SETD1B: variants seen among roughly 807,000 people sequenced by gnomAD.
SETD1B encodes SET domain containing 1B, histone lysine methyltransferase.
SETD1B carries 7 observed loss-of-function variants against 148.0 expected under a neutral mutation model. The observed-to-expected ratio is 0.05, with a 90% CI of 0.03 to 0.09. The LOEUF is 0.09. SETD1B is among the 10% of genes least tolerant of loss of function. SETD1B has a pLI of 1.00. For synonymous variants in SETD1B, 1,361 were observed against 1,186.5 expected (o/e 1.15, Z -3.02); for missense variants, 2,155 against 2,729.9 (o/e 0.79, Z 4.69).
chr12:121,810,479 A>G lies in SETD1B; in HGVS notation c.1534A>G (p.Thr512Ala), dbSNP rs1421246550. ...CGAGATGCTGCTGAAGGAGCAGCGC[A>G]CCAAGCTGCTCTTCCTGAGGGAGCC... is the stretch of plus-strand genomic sequence containing the variant. ...RIEMLLKEQR[T>A]KLLFLREPDS... is the part of the protein sequence containing the mutation. Residue 512 changes from threonine to alanine, a missense_variant, in exon 6 of 17, where the codon ACC becomes GCC. Thr to Ala is a moderately conservative substitution (Grantham distance 58). Transcript: ENST00000604567. The surrounding 1 kb of genome is among the most constrained non-coding windows in gnomAD (Gnocchi z 7.6). 7.8e-6 allele frequency: 12 copies of G among 1,547,734 alleles called. No individual in the cohort carries two copies. The highest frequency in any genetic ancestry group is 7.0e-6 in the Non-Finnish European group (8 of 1,147,096).
chr12:121,814,635 C>A lies in SETD1B; in HGVS notation c.2420C>A (p.Ala807Asp). Residue 807 changes from alanine to aspartate, a missense_variant, in exon 7 of 17, where the codon GCT (alanine) becomes GAT (aspartate). Ala to Asp is a moderately radical substitution (Grantham distance 126). This residue lies in a region of SETD1B where 289 missense variants were observed against 423.7 expected (regional missense o/e 0.68). Transcript: ENST00000604567. ...GCCGCTGCGGCCGCCGCTGCCTCAG[C>A]TGGGCTCCAGTTTGTCAACCTGCCG... ...FMAAAAAAAS[A>D]GLQFVNLPPY... 1.3e-6 allele frequency: 2 copies of A among 1,546,962 alleles called. No homozygotes were observed. Among genetic ancestry groups the A allele is most frequent in the African/African-American group, 2.7e-5 (2 of 73,040 alleles).
chr12:121,812,532 C>T (rs2137556938), intron 6 of SETD1B, among the ~76,000 whole-genome samples: 1 of 152,038 alleles, frequency 6.6e-6, no homozygotes, highest in Admixed American at 6.5e-5. Context: ...GCTTCTCACC[C>T]CGAGACTGCT....
At position 121,804,921 on chromosome 12, in the gene SETD1B, C is replaced by T. The variant is rs753735049; in HGVS notation, c.174+10C>T. 3.4e-6 allele frequency: 5 copies of T among 1,487,000 alleles called. No homozygotes were observed. The highest frequency in any genetic ancestry group is 3.6e-6 in the Non-Finnish European group (4 of 1,115,260). 92.1% of individuals were successfully genotyped at this position (1,487,000 alleles called of 1,614,324 possible). A position where few individuals can be genotyped will look rare whatever the true frequency, so the allele number is the denominator to read the frequency against. ...GCATTTCAGCCTGGCGGTGAGTAGC[C>T]GGCGCGCCCCCCCAGCCGTGCCCCG... is the stretch of plus-strand genomic sequence containing the variant. On this transcript the variant is annotated intron_variant, in intron 2 of 16. Coordinates refer to ENST00000604567, the MANE Select transcript of SETD1B (RefSeq NM_001353345.2). The surrounding 1 kb of genome is among the most constrained non-coding windows in gnomAD (Gnocchi z 4.6).
Position 121,810,797 on chromosome 12 carries a change from G to C in SETD1B, c.1852G>C (p.Val618Leu), listed in dbSNP as rs769297788. The C allele has an allele frequency of 5.2e-6, 8 of 1,531,724 alleles. No homozygotes were observed. The South Asian group carries it at 8.5e-5, about 16-fold the overall frequency. The allele number at this position is 1,531,724 out of a possible 1,614,324, so 94.9% of individuals were successfully genotyped here. A position where few individuals can be genotyped will look rare whatever the true frequency, so the allele number is the denominator to read the frequency against. ...GACAGCTGAGGTGGCCTTGGACCTG[G>C]TTGGAGACAGAACCCCGACCTCAGA... ...SQTAEVALDL[V>L]GDRTPTSEKM... The change falls in exon 6 of 17, where the codon GTT becomes CTT. Residue 618 changes from valine to leucine, a missense_variant. Val to Leu is a conservative substitution (Grantham distance 32). Around this residue, in one of 11 missense-constraint regions of SETD1B, gnomAD observed 295 missense variants for 303.8 expected, o/e 0.97. Coordinates refer to ENST00000604567, the MANE Select transcript of SETD1B (RefSeq NM_001353345.2). The surrounding 1 kb of genome is among the most constrained non-coding windows in gnomAD (Gnocchi z 7.6).
chr12:121,802,197 C>T (rs1368202286), upstream of SETD1B: 1 of 152,126 alleles, frequency 6.6e-6, no homozygotes, highest in Non-Finnish European at 1.5e-5. Context: ...AGAACCTTAG[C>T]TTTATAAAGC....
the SETD1B span, chr12:121,796,051 T>G: frequency 6.6e-6 from 1 of 151,654 alleles, no homozygotes; most frequent in Non-Finnish European, 1.5e-5. Context: ...GACTCGACTG[T>G]TGTGGTGATG....
At chr12:121,790,680 G>T in the SETD1B span, among the ~76,000 whole-genome samples, 2 of 152,116 alleles carry the variant, frequency 1.3e-5, no homozygotes, top group Admixed American at 1.3e-4. Context: ...CCTCCTTGGG[G>T]TCTGTCAGAC....
In SETD1B at chr12:121,804,716, G is replaced by T; in HGVS notation, c.-14-8G>T. On this transcript the variant is annotated splice_polypyrimidine_tract_variant and splice_region_variant and intron_variant, in intron 1 of 16. Coordinates refer to ENST00000604567, the MANE Select transcript of SETD1B (RefSeq NM_001353345.2). This position sits in a 1 kb window ranked among gnomAD's most constrained non-coding sequence, Gnocchi z 4.6. Reference sequence around the variant, plus strand: ...CGGCGGAGACGACAACAACTTGCTGGTTTTCAGGTTGGGTTAACGGCATGG... The same window carrying T: ...CGGCGGAGACGACAACAACTTGCTGTTTTTCAGGTTGGGTTAACGGCATGG... The T allele has an allele frequency of 3.9e-6, 6 of 1,547,194 alleles. No individual in the cohort carries two copies. The highest frequency in any genetic ancestry group is 5.2e-6 in the Non-Finnish European group (6 of 1,146,064).
rs1197276620 is a variant in SETD1B, at chr12:121,810,272, C to T, written c.1327C>T (p.Leu443=). 4.5e-6 allele frequency: 7 copies of T among 1,544,918 alleles called. No individual in the cohort carries two copies. The highest frequency in any genetic ancestry group is 2.7e-5 in the African/African-American group (2 of 73,138). Residue 443 remains leucine, a synonymous_variant, in exon 6 of 17, where the codon CTG becomes TTG. Coordinates refer to ENST00000604567, the MANE Select transcript of SETD1B (RefSeq NM_001353345.2). This position sits in a 1 kb window ranked among gnomAD's most constrained non-coding sequence, Gnocchi z 7.6. ...APPPLPPAEP[L]AKEKPGTPPG... ...CCCACCCCTGCCACCTGCTGAGCCT[C>T]TGGCCAAGGAGAAGCCAGGCACGCC...
intron 7 of SETD1B, among the ~76,000 whole-genome samples, chr12:121,815,503 A>C (rs1224018199): frequency 6.7e-6 from 1 of 150,108 alleles, no homozygotes; most frequent in African/African-American, 2.5e-5. Context: ...GTCTTGGACC[A>C]CTTTTTTCCT....
rs1256762487 is a variant in SETD1B, at chr12:121,814,452, C to A, written c.2237C>A (p.Pro746His). The A allele has an allele frequency of 1.4e-6, 2 of 1,447,030 alleles. No individual in the cohort carries two copies. The highest frequency in any genetic ancestry group is 1.5e-5 in the South Asian group (1 of 68,288). 89.6% of individuals were successfully genotyped at this position (1,447,030 alleles called of 1,614,324 possible). A position where few individuals can be genotyped will look rare whatever the true frequency, so the allele number is the denominator to read the frequency against. ...CCCCCACCCATCCTGCCACCACTGC[C>A]CCCCTTTCCGCCGGGCCTGTTCCCT... The part of the protein sequence containing the change: ...VPPPPILPPL[P>H]PFPPGLFPVM... Residue 746 changes from proline to histidine, a missense_variant, in exon 7 of 17, where the codon CCC becomes CAC. Around this residue, in one of 11 missense-constraint regions of SETD1B, gnomAD observed 295 missense variants for 303.8 expected, o/e 0.97. Coordinates refer to ENST00000604567, the MANE Select transcript of SETD1B (RefSeq NM_001353345.2).
chr12:121,819,590 C>T lies in SETD1B; in HGVS notation c.3605C>T (p.Ala1202Val), dbSNP rs1253611813. The change falls in exon 11 of 17, where the codon GCT becomes GTT. Residue 1202 changes from alanine to valine, a missense_variant. This residue lies in a region of SETD1B where 862 missense variants were observed against 873.8 expected (regional missense o/e 0.99). Coordinates refer to ENST00000604567, the MANE Select transcript of SETD1B (RefSeq NM_001353345.2). ...GAGATGGTGGCCGAGGAAAGCATGG[C>T]TTCTGCAGGCCCTGAGGACTTTGAG... ...EEEMVAEESM[A>V]SAGPEDFEQD... The T allele has an allele frequency of 4.5e-6, 7 of 1,552,300 alleles. No homozygotes were observed. Among genetic ancestry groups the T allele is most frequent in the East Asian group, 2.4e-5 (1 of 40,940 alleles).
At chr12:121,797,340 G>A in the SETD1B span, 2 of 426,580 alleles carry the variant, frequency 4.7e-6, no homozygotes, top group Admixed American at 2.5e-5. Context: ...GCAAGCCCTG[G>A]GGCCCAGCGC....
In SETD1B at chr12:121,808,194, C is replaced by T. The variant is rs375858756; in HGVS notation, c.545-14C>T. The T allele has an allele frequency of 4.5e-6, 7 of 1,543,996 alleles. No individual in the cohort carries two copies. The African/African-American group carries it at 8.2e-5, about 18-fold the overall frequency. On this transcript the variant is annotated splice_polypyrimidine_tract_variant and intron_variant, in intron 4 of 16. Coordinates refer to ENST00000604567, the MANE Select transcript of SETD1B (RefSeq NM_001353345.2). The surrounding 1 kb of genome is among the most constrained non-coding windows in gnomAD (Gnocchi z 5.3). ...GGAACCTCACTGAGTTCCCCCTTTC[C>T]TGCCCATCTACAGGGGAAACCCGAA...
chr12:121,809,858 G>A lies in SETD1B; in HGVS notation c.913G>A (p.Ala305Thr). The stretch of plus-strand genomic sequence containing the variant: ...CTCATACCTCTTCAGCCAGGACCCT[G>A]CAGTGACCTTCAAGGCCCGGCGCCA... ...TPSYLFSQDPAVTFKARRHES... is the reference protein window; with the variant it reads ...TPSYLFSQDPTVTFKARRHES... The change falls in exon 6 of 17, where the codon GCA (alanine) becomes ACA (threonine). Residue 305 changes from alanine (A) to threonine (T), a missense_variant. This residue lies in a region of SETD1B where 376 missense variants were observed against 385.0 expected (regional missense o/e 0.98). Coordinates refer to ENST00000604567, the MANE Select transcript of SETD1B (RefSeq NM_001353345.2). 6.4e-7 allele frequency: 1 copy of A among 1,551,348 alleles called. No individual in the cohort carries two copies. Among genetic ancestry groups the A allele is most frequent in the Non-Finnish European group, 8.7e-7 (1 of 1,146,984 alleles).
chr12:121,828,576 G>C (rs1012649977), intron 16 of SETD1B, among the ~76,000 whole-genome samples: 2 of 152,176 alleles, frequency 1.3e-5, no homozygotes, highest in African/African-American at 4.8e-5. Flanking sequence ...AACTTAATTA[G>C]CTTGTGACGA....
the SETD1B span, among the ~76,000 whole-genome samples, chr12:121,796,904 G>A: frequency 8.5e-5 from 13 of 152,146 alleles, no homozygotes; most frequent in African/African-American, 3.1e-4. Flanking sequence ...CGGGCGTGGT[G>A]GCACATGCCT....
chr12:121,830,258 A>C lies in SETD1B; in HGVS notation c.*19A>C, dbSNP rs375869712. On this transcript the variant is annotated 3_prime_UTR_variant, in exon 17 of 17. Coordinates refer to ENST00000604567, the MANE Select transcript of SETD1B (RefSeq NM_001353345.2). The surrounding 1 kb of genome is among the most constrained non-coding windows in gnomAD (Gnocchi z 5.7). ...CAACTAGGCCCCGGCACCAGACTCA[A>C]AGGATGTCAGCCGTAGCCCTGGGAC... 6.3e-4 allele frequency: 978 copies of C among 1,547,004 alleles called. 8 individuals carry two copies. The African/African-American group carries it at 0.012, about 19-fold the overall frequency.
At chr12:121,822,030 G>A (rs1876587241) in intron 11 of SETD1B, among the ~76,000 whole-genome samples, 1 of 152,128 alleles carries the variant, frequency 6.6e-6, no homozygotes, top group African/African-American at 2.4e-5. Flanking sequence ...TGCAGTGACC[G>A]TGATCATGCC....
Sources: allele counts gnomAD v4.1 joint callset (sites outside exome capture counted in the v4.1 genomes callset), GRCh38; gene constraint gnomAD v4.1.1; regional missense constraint gnomAD v4.1.1; non-coding constraint Gnocchi (gnomAD v3.1); transcripts MANE v1.5; gene names NCBI Gene and HGNC (gene_info 2026-07-23, HGNC 2026-07-21).